Variants in MEF2C observed in about 807,000 individuals in gnomAD.
MEF2C encodes the protein myocyte enhancer factor 2C.
Under a neutral mutation model 50.5 loss-of-function variants are expected in MEF2C, and 6 were observed. The ratio of observed to expected loss-of-function variants is 0.12; its 90% CI spans 0.07 to 0.23. The LOEUF is 0.23. Among genes scored for constraint, MEF2C ranks in the 10% least tolerant of loss-of-function variants. MEF2C has a pLI of 1.00. For missense variants in MEF2C, 276 were observed against 605.0 expected (o/e 0.46, Z 5.70); for synonymous variants, 183 against 228.0 (o/e 0.80, Z 1.78).
chr5:88,875,931 TA>T (rs1169042003), intron 1 of MEF2C, among the ~76,000 whole-genome samples: 1 of 151,890 alleles, frequency 6.6e-6, no homozygotes, highest in Non-Finnish European at 1.5e-5. Flanking sequence ...TATTCAGGAA[TA>T]AAAATATACC....
intron 3 of MEF2C, among the ~76,000 whole-genome samples, chr5:88,762,625 C>T (rs530784391): frequency 6.6e-6 from 1 of 151,682 alleles, no homozygotes; most frequent in East Asian, 1.9e-4. Context: ...GTATACAATT[C>T]GATTTACAGA....
At chr5:88,735,565 A>C in intron 6 of MEF2C, 1 of 974,156 alleles carries the variant, frequency 1.0e-6, no homozygotes, top group Non-Finnish European at 1.2e-6. Context: ...ATTGTTTTAC[A>C]TAAAAATAAC....
intron 2 of MEF2C, among the ~76,000 whole-genome samples, chr5:88,820,563 A>T (rs954516606): frequency 6.6e-6 from 1 of 152,050 alleles, no homozygotes; most frequent in Admixed American, 6.6e-5. Context: ...TGGAAAAAAC[A>T]TAACTTATTC....
At chr5:88,792,214 C>A (rs1038928667) in intron 3 of MEF2C, among the ~76,000 whole-genome samples, 1 of 152,100 alleles carries the variant, frequency 6.6e-6, no homozygotes, top group East Asian at 1.9e-4. Context: ...GAACTATCAT[C>A]TTTCCATTCA....
chr5:88,810,230 T>G lies in MEF2C; in HGVS notation c.55-5429A>C, dbSNP rs1802191207. On this transcript the variant is annotated intron_variant, in intron 2 of 10. Coordinates refer to ENST00000504921, the MANE Select transcript of MEF2C (RefSeq NM_002397.5). The stretch of plus-strand genomic sequence containing the variant: ...TAGAGATTTTGGACACATATACCTT[T>G]ATTTTACTACAATGTTTAGCTTATT... Among the ~76,000 whole-genome samples the G allele has an allele frequency of 2.0e-5, 3 of 152,174 alleles. No homozygotes were observed. The South Asian group carries it at 6.2e-4, about 31-fold the overall frequency.
At chr5:88,840,893 T>G (rs546744393) in intron 1 of MEF2C, among the ~76,000 whole-genome samples, 1 of 152,332 alleles carries the variant, frequency 6.6e-6, no homozygotes, top group South Asian at 2.1e-4. Flanking sequence ...AAAGTTGAAA[T>G]TATACCTATC....
intron 1 of MEF2C, chr5:88,880,765 G>C (rs189222880): frequency 3.2e-4 from 49 of 151,962 alleles, no homozygotes; most frequent in African/African-American, 9.6e-4. Flanking sequence ...GTTTCATGGA[G>C]TTATCTAGTA....
chr5:88,830,710 T>A (rs1333777189), intron 1 of MEF2C, among the ~76,000 whole-genome samples: 1 of 152,082 alleles, frequency 6.6e-6, no homozygotes, highest in Non-Finnish European at 1.5e-5. Flanking sequence ...TTCTATCATG[T>A]CTTTGTTTTT....
chr5:88,779,760 G>GTTTTTTTTTTTTT (rs70996493), intron 3 of MEF2C, among the ~76,000 whole-genome samples: 1 of 147,158 alleles, frequency 6.8e-6, no homozygotes. Flanking sequence ...GCAAAGTGAG[G>GTTTTTTTTTTTTT]TTTTTTTTTT....
intron 6 of MEF2C, chr5:88,734,899 T>C: frequency 1.0e-6 from 1 of 982,444 alleles, no homozygotes; most frequent in Non-Finnish European, 1.2e-6. Context: ...CTTAAATTCA[T>C]ATTTTTAGAG....
At chr5:88,847,809 A>T (rs77585177) in intron 1 of MEF2C, among the ~76,000 whole-genome samples, 3,094 of 152,234 alleles carry the variant, frequency 0.02, 45 homozygotes, top group East Asian at 0.07. Context: ...TCAGACACCA[A>T]TCTATACCTT....
chr5:88,776,323 A>G (rs956009170), intron 3 of MEF2C, among the ~76,000 whole-genome samples: 6 of 152,180 alleles, frequency 3.9e-5, no homozygotes, highest in African/African-American at 1.4e-4. Context: ...TAACATATCT[A>G]TCACCTCTCT....
chr5:88,878,921 G>A (rs1346297489), intron 1 of MEF2C, among the ~76,000 whole-genome samples: 1 of 151,966 alleles, frequency 6.6e-6, no homozygotes, highest in Non-Finnish European at 1.5e-5. Flanking sequence ...AATATAAAGA[G>A]TGAATATATA....
At chr5:88,799,431 T>A (rs1439226981) in intron 3 of MEF2C, among the ~76,000 whole-genome samples, 1 of 152,244 alleles carries the variant, frequency 6.6e-6, no homozygotes. Flanking sequence ...TAATTAGATA[T>A]AATGAATGGT....
chr5:88,746,312 G>C (rs1324485599), intron 6 of MEF2C, among the ~76,000 whole-genome samples: 1 of 152,122 alleles, frequency 6.6e-6, no homozygotes, highest in Non-Finnish European at 1.5e-5. Context: ...GGATGGGAAA[G>C]ATGCTACACT....
intron 1 of MEF2C, chr5:88,824,451 C>A: frequency 1.5e-6 from 1 of 647,200 alleles, no homozygotes; most frequent in Non-Finnish European, 1.9e-6. Context: ...TAAATGTCAA[C>A]TAATTTAAAT....
intron 1 of MEF2C, among the ~76,000 whole-genome samples, chr5:88,855,971 C>A (rs562480561): frequency 6.6e-6 from 1 of 152,224 alleles, no homozygotes; most frequent in South Asian, 2.1e-4. Context: ...GAGGTTGGAA[C>A]AGTTTGGAGG....
intron 1 of MEF2C, among the ~76,000 whole-genome samples, chr5:88,855,729 G>T (rs927190358): frequency 1.1e-4 from 16 of 152,182 alleles, no homozygotes; most frequent in African/African-American, 2.9e-4. Context: ...CTTTCCTGCT[G>T]CCCTGTGAAG....
In MEF2C at chr5:88,873,916, A is replaced by G. The variant is rs143688622; in HGVS notation, c.-143+9039T>C. On this transcript the variant is annotated intron_variant, in intron 1 of 10. Coordinates refer to ENST00000504921, the MANE Select transcript of MEF2C (RefSeq NM_002397.5). ...GTTAGATTTCATTTAGTTAAGAAAA[A>G]TCATCCAGAATAAATTAGGTCTGGA... 3.5e-4 allele frequency among the ~76,000 whole-genome samples: 53 copies of G among 151,988 alleles called. 2 individuals are homozygous for G. The East Asian group carries it at 7.5e-3, about 22-fold the overall frequency.
Sources: gnomAD v4.1 joint callset for allele counts (sites outside exome capture counted in the v4.1 genomes callset) on GRCh38, gnomAD v4.1.1 for gene constraint, MANE v1.5 for transcripts, NCBI Gene and HGNC (gene_info 2026-07-23, HGNC 2026-07-21) for gene names.